The following KHDRBS2 variants were observed in gnomAD, a reference collection of about 807,000 sequenced individuals.
KHDRBS2 encodes KH RNA binding domain containing, signal transduction associated 2.
Under a neutral mutation model 44.3 loss-of-function variants are expected in KHDRBS2, and 26 were observed. The ratio of observed to expected loss-of-function variants is 0.59; its 90% CI spans 0.43 to 0.81. KHDRBS2 has a LOEUF of 0.81. KHDRBS2 is among the 40% of genes least tolerant of loss of function. The pLI, the probability that KHDRBS2 is intolerant of heterozygous loss-of-function variation, is 0.00. For synonymous variants in KHDRBS2, 194 were observed against 151.1 expected, an observed-to-expected ratio of 1.28 and a Z score of -2.08; for missense variants, 476 against 433.1, an observed-to-expected ratio of 1.10 and a Z score of -0.88.
intron 7 of KHDRBS2, among the ~76,000 whole-genome samples, chr6:61,705,458 C>T (rs1324143275): frequency 6.6e-6 from 1 of 151,734 alleles, no homozygotes; most frequent in East Asian, 1.9e-4. Context: ...TATTTAATTG[C>T]CACAATTTTT....
intron 2 of KHDRBS2, among the ~76,000 whole-genome samples, chr6:62,091,963 A>G (rs1799570293): frequency 6.6e-6 from 1 of 152,196 alleles, no homozygotes; most frequent in Non-Finnish European, 1.5e-5. Flanking sequence ...CAGTAAATCA[A>G]GGAGCCTTTA....
chr6:62,181,771 A>T (rs192276074), intron 1 of KHDRBS2, among the ~76,000 whole-genome samples: 97 of 152,082 alleles, frequency 6.4e-4, no homozygotes, highest in African/African-American at 2.2e-3. Flanking sequence ...TGATTATTTC[A>T]TGAGAATGGA....
At chr6:61,960,169 T>C (rs1369802217) in intron 4 of KHDRBS2, among the ~76,000 whole-genome samples, 10 of 152,102 alleles carry the variant, frequency 6.6e-5, no homozygotes, top group Non-Finnish European at 1.2e-4. Flanking sequence ...CCCCTATTAA[T>C]GTATTTTCTG....
intron 6 of KHDRBS2, among the ~76,000 whole-genome samples, chr6:61,780,142 T>C (rs369082174): frequency 6.6e-6 from 1 of 152,228 alleles, no homozygotes. Flanking sequence ...TACATTCAGT[T>C]ATACTTAAAC....
intron 2 of KHDRBS2, among the ~76,000 whole-genome samples, chr6:62,136,730 A>G (rs764409100): frequency 6.6e-6 from 1 of 152,206 alleles, no homozygotes; most frequent in Non-Finnish European, 1.5e-5. Flanking sequence ...CCACTATCAC[A>G]TGAGATTCTT....
At chr6:62,041,387 A>G (rs1486433149) in intron 3 of KHDRBS2, among the ~76,000 whole-genome samples, 1 of 152,148 alleles carries the variant, frequency 6.6e-6, no homozygotes, top group Non-Finnish European at 1.5e-5. Flanking sequence ...ACCTAAAATA[A>G]TAGACCATCC....
the KHDRBS2 span, among the ~76,000 whole-genome samples, chr6:61,608,108 A>G: frequency 6.6e-6 from 1 of 152,326 alleles, no homozygotes; most frequent in East Asian, 1.9e-4. Context: ...TTTAAAGTCC[A>G]CATTGGAAGA....
chr6:61,745,466 T>G (rs1049607813), intron 6 of KHDRBS2, among the ~76,000 whole-genome samples: 2 of 152,280 alleles, frequency 1.3e-5, no homozygotes, highest in East Asian at 1.9e-4. Flanking sequence ...TTTAAATGTG[T>G]TAATGCTTTA....
At chr6:62,108,840 G>T (rs953601528) in intron 2 of KHDRBS2, among the ~76,000 whole-genome samples, 1 of 151,990 alleles carries the variant, frequency 6.6e-6, no homozygotes, top group African/African-American at 2.4e-5. Context: ...GCAAACTATC[G>T]CAAGGACAAA....
intron 2 of KHDRBS2, among the ~76,000 whole-genome samples, chr6:62,148,475 A>G (rs377060391): frequency 4.6e-5 from 7 of 152,138 alleles, no homozygotes; most frequent in Admixed American, 1.3e-4. Context: ...CACAGAGTCC[A>G]TCATAACCAC....
intron 3 of KHDRBS2, among the ~76,000 whole-genome samples, chr6:61,982,961 T>C (rs1192560399): frequency 6.6e-6 from 1 of 152,114 alleles, no homozygotes; most frequent in African/African-American, 2.4e-5. Flanking sequence ...TAAACAGAAA[T>C]GAAATATTTA....
At chr6:62,006,616 A>G (rs1027136530) in intron 3 of KHDRBS2, among the ~76,000 whole-genome samples, 2 of 152,146 alleles carry the variant, frequency 1.3e-5, no homozygotes, top group African/African-American at 2.4e-5. Flanking sequence ...AAGTATCTTC[A>G]ATTCTTCTAT....
chr6:62,135,985 C>G (rs967379579), intron 2 of KHDRBS2, among the ~76,000 whole-genome samples: 18 of 150,056 alleles, frequency 1.2e-4, no homozygotes, highest in African/African-American at 4.2e-4. Flanking sequence ...TAAGGTATAG[C>G]AAGAGGACTA....
At chr6:61,933,929 G>A (rs1292298208) in intron 4 of KHDRBS2, among the ~76,000 whole-genome samples, 2 of 151,890 alleles carry the variant, frequency 1.3e-5, no homozygotes, top group African/African-American at 2.4e-5. Context: ...AGTGTATAAG[G>A]GTTCCATTTT....
At chr6:61,822,245 C>T (rs1197983215) in intron 6 of KHDRBS2, among the ~76,000 whole-genome samples, 1 of 151,926 alleles carries the variant, frequency 6.6e-6, no homozygotes, top group Non-Finnish European at 1.5e-5. Flanking sequence ...CTTCTTTTCC[C>T]AAATTGTTTC....
At chr6:61,620,714 A>C in the KHDRBS2 span, among the ~76,000 whole-genome samples, 7 of 152,176 alleles carry the variant, frequency 4.6e-5, no homozygotes, top group Non-Finnish European at 7.4e-5. Context: ...ATTCACCTAG[A>C]GGCTACTATT....
intron 8 of KHDRBS2, among the ~76,000 whole-genome samples, chr6:61,694,547 T>C (rs1767702288): frequency 6.6e-6 from 1 of 152,160 alleles, no homozygotes; most frequent in Admixed American, 6.6e-5. Context: ...CTCATTCCTA[T>C]ATGATTAAGA....
At chr6:61,894,513 T>C (rs1583379180) in intron 6 of KHDRBS2, 122 bp downstream of exon 6, 2 of 760,146 alleles carry the variant, frequency 2.6e-6, no homozygotes, top group East Asian at 2.7e-5. Context: ...CTGTTGTAAA[T>C]GACATTCGTT....
intron 2 of KHDRBS2, among the ~76,000 whole-genome samples, chr6:62,055,754 G>T (rs1407670703): frequency 1.3e-5 from 2 of 152,028 alleles, no homozygotes; most frequent in South Asian, 4.1e-4. Context: ...GTTCACTTTC[G>T]TGGTGGGTTT....
Sources: allele counts gnomAD v4.1 joint callset (sites outside exome capture counted in the v4.1 genomes callset), GRCh38; gene constraint gnomAD v4.1.1; transcripts MANE v1.5; gene names NCBI Gene and HGNC (gene_info 2026-07-23, HGNC 2026-07-21).